The following RUNX1T1 variants were observed in gnomAD, a reference collection of about 807,000 sequenced individuals.
The protein encoded by RUNX1T1 is RUNX1 partner transcriptional co-repressor 1.
A neutral mutation model predicts 62.8 loss-of-function variants in RUNX1T1; 4 were observed. The observed-to-expected ratio is 0.06, with a 90% CI of 0.03 to 0.15. RUNX1T1 has a LOEUF of 0.15. Among genes scored for constraint, RUNX1T1 ranks in the 10% least tolerant of loss-of-function variants. The probability of loss-of-function intolerance (pLI) is 1.00; values close to 1 mark genes in which losing one functional copy is unlikely to be tolerated. For missense variants in RUNX1T1, 508 were observed against 754.3 expected (o/e 0.67, Z 3.82); for synonymous variants, 291 against 286.0 (o/e 1.02, Z -0.18).
At chr8:92,040,817 A>G (rs1407747111) in intron 1 of RUNX1T1, among the ~76,000 whole-genome samples, 3 of 152,156 alleles carry the variant, frequency 2.0e-5, no homozygotes, top group African/African-American at 4.8e-5. Context: ...GGGCAGGAGG[A>G]TCACTTGTGC....
At chr8:92,097,775 G>A (rs1436721511) in intron 1 of RUNX1T1, among the ~76,000 whole-genome samples, 1 of 152,254 alleles carries the variant, frequency 6.6e-6, no homozygotes, top group South Asian at 2.1e-4. Flanking sequence ...TTAGTACCTT[G>A]TTTGTTCATT....
At chr8:92,060,831 T>G (rs1432376940) in intron 1 of RUNX1T1, among the ~76,000 whole-genome samples, 1 of 152,092 alleles carries the variant, frequency 6.6e-6, no homozygotes, top group Non-Finnish European at 1.5e-5. Context: ...GTGTCAAATC[T>G]GCTCAAGTAT....
chr8:92,062,138 C>G (rs888145034), intron 1 of RUNX1T1, among the ~76,000 whole-genome samples: 1 of 152,156 alleles, frequency 6.6e-6, no homozygotes, highest in Non-Finnish European at 1.5e-5. Flanking sequence ...AGATCTTATT[C>G]CAGGATTCTG....
chr8:91,981,631 G>A (rs1276304526), intron 8 of RUNX1T1, among the ~76,000 whole-genome samples: 3 of 151,600 alleles, frequency 2.0e-5, no homozygotes. Context: ...TAGCCAGGAT[G>A]ATCTCGATAT....
intron 4 of RUNX1T1, chr8:92,010,337 G>A (rs1353841834): frequency 1.3e-5 from 2 of 152,206 alleles, no homozygotes; most frequent in African/African-American, 4.8e-5. Context: ...TTAGTAATCT[G>A]CTTTTCTACC....
intron 1 of RUNX1T1, among the ~76,000 whole-genome samples, chr8:92,050,092 A>T (rs903260896): frequency 1.3e-5 from 2 of 152,178 alleles, no homozygotes; most frequent in African/African-American, 4.8e-5. Context: ...TGAGGAAAAA[A>T]AAAGAAAATA....
At chr8:92,022,369 T>C (rs1399998751) in intron 1 of RUNX1T1, among the ~76,000 whole-genome samples, 1 of 152,188 alleles carries the variant, frequency 6.6e-6, no homozygotes, top group Non-Finnish European at 1.5e-5. Context: ...TTATATAGAA[T>C]GACGTCTCAC....
chr8:92,059,252 T>G (rs575636340), intron 1 of RUNX1T1, among the ~76,000 whole-genome samples: 1 of 152,248 alleles, frequency 6.6e-6, no homozygotes, highest in South Asian at 2.1e-4. Context: ...CAAAGTAAAA[T>G]AGAGTGTCAG....
intron 1 of RUNX1T1, among the ~76,000 whole-genome samples, chr8:92,092,654 G>A (rs752094827): frequency 2.0e-5 from 3 of 152,162 alleles, no homozygotes; most frequent in Non-Finnish European, 2.9e-5. Context: ...TTCAATACAT[G>A]TATTTAAACA....
chr8:92,081,937 G>C (rs1020163852), intron 1 of RUNX1T1, among the ~76,000 whole-genome samples: 1 of 152,090 alleles, frequency 6.6e-6, no homozygotes, highest in South Asian at 2.1e-4. Flanking sequence ...CCAGGCTGGA[G>C]TGAAGTGGCG....
intron 1 of RUNX1T1, among the ~76,000 whole-genome samples, chr8:92,058,462 T>C (rs1408749890): frequency 1.3e-5 from 2 of 152,172 alleles, no homozygotes; most frequent in African/African-American, 2.4e-5. Flanking sequence ...GGAGAAAGCA[T>C]ACGATGAGAG....
chr8:91,980,273 CTG>C (rs1312753315), intron 8 of RUNX1T1, among the ~76,000 whole-genome samples: 1 of 152,176 alleles, frequency 6.6e-6, no homozygotes, highest in East Asian at 1.9e-4. Context: ...AGCTGAATGA[CTG>C]TGAGATTAAT....
intron 1 of RUNX1T1, among the ~76,000 whole-genome samples, chr8:92,039,296 C>T (rs1828002893): frequency 6.6e-6 from 1 of 152,126 alleles, no homozygotes; most frequent in African/African-American, 2.4e-5. Context: ...CATGAGCCAC[C>T]ACGCCTGGCC....
intron 5 of RUNX1T1, among the ~76,000 whole-genome samples, chr8:91,997,940 T>C (rs775584919): frequency 2.5e-4 from 38 of 152,206 alleles, no homozygotes; most frequent in Non-Finnish European, 1.5e-5. Context: ...CTTACTTTAT[T>C]TTATTCTTAT....
chr8:91,983,901 C>T (rs1815976906), intron 8 of RUNX1T1, among the ~76,000 whole-genome samples: 1 of 152,232 alleles, frequency 6.6e-6, no homozygotes, highest in Non-Finnish European at 1.5e-5. Flanking sequence ...TGAAAAAAAA[C>T]TGTAAAAGCA....
intron 1 of RUNX1T1, among the ~76,000 whole-genome samples, chr8:92,020,245 C>G (rs776457127): frequency 6.6e-6 from 1 of 152,128 alleles, no homozygotes; most frequent in African/African-American, 2.4e-5. Context: ...AAATGTGTTT[C>G]AAGTATGCTG....
chr8:91,979,734 A>G (rs1814785475), intron 8 of RUNX1T1: 1 of 426,242 alleles, frequency 2.3e-6, no homozygotes. Context: ...CAGAAAGAGC[A>G]ATCTATGATG....
chr8:92,038,322 T>C (rs927231752), intron 1 of RUNX1T1, among the ~76,000 whole-genome samples: 2 of 151,658 alleles, frequency 1.3e-5, no homozygotes, highest in Non-Finnish European at 2.9e-5. Context: ...TAAAAAAAAC[T>C]GTATAAAAAA....
At chr8:91,999,503 T>G (rs1200407917) in intron 5 of RUNX1T1, among the ~76,000 whole-genome samples, 1 of 152,166 alleles carries the variant, frequency 6.6e-6, no homozygotes, top group African/African-American at 2.4e-5. Context: ...CATTTTGTTT[T>G]CAAGCAGGGG....
Sources: gnomAD v4.1 joint callset for allele counts (sites outside exome capture counted in the v4.1 genomes callset) on GRCh38, gnomAD v4.1.1 for gene constraint, MANE v1.5 for transcripts, NCBI Gene and HGNC (gene_info 2026-07-23, HGNC 2026-07-21) for gene names.